PARD3B: variants seen among roughly 807,000 people sequenced by gnomAD.
PARD3B encodes par-3 family cell polarity regulator beta.
In PARD3B, 103 loss-of-function variants were observed where a neutral mutation model predicts 130.2. The observed-to-expected ratio is 0.79, with a 90% CI of 0.67 to 0.93. The LOEUF is 0.93. Ranked by LOEUF, PARD3B falls within the 40% of genes least tolerant of loss-of-function variation. The pLI is 0.00. For missense variants in PARD3B, 1,609 were observed against 1,499.2 expected (o/e 1.07, Z -1.21); for synonymous variants, 583 against 553.2 (o/e 1.05, Z -0.76).
chr2:205,185,285 T>C (rs1305919052), intron 13 of PARD3B, among the ~76,000 whole-genome samples: 1 of 152,162 alleles, frequency 6.6e-6, no homozygotes, highest in Non-Finnish European at 1.5e-5. Flanking sequence ...TGTGTGTGTT[T>C]ATCTCCACTA....
intron 15 of PARD3B, among the ~76,000 whole-genome samples, chr2:205,235,463 C>G (rs548025217): frequency 2.0e-4 from 31 of 151,978 alleles, no homozygotes; most frequent in Non-Finnish European, 4.0e-4. Flanking sequence ...GTCTCCACCC[C>G]CCTTGTCTAC....
chr2:205,598,396 T>C (rs1307421926), intron 22 of PARD3B, among the ~76,000 whole-genome samples: 1 of 148,370 alleles, frequency 6.7e-6, no homozygotes, highest in Non-Finnish European at 1.5e-5. Flanking sequence ...TGATAAAAGG[T>C]TCAATACAAC....
chr2:205,138,347 C>A (rs576038459), intron 10 of PARD3B, among the ~76,000 whole-genome samples: 2 of 152,082 alleles, frequency 1.3e-5, no homozygotes, highest in Non-Finnish European at 2.9e-5. Context: ...TTGACATATA[C>A]GTGCATTTCT....
intron 2 of PARD3B, among the ~76,000 whole-genome samples, chr2:204,864,819 T>C (rs1033634170): frequency 1.3e-5 from 2 of 152,154 alleles, no homozygotes; most frequent in Non-Finnish European, 2.9e-5. Flanking sequence ...AAGTGAGTGC[T>C]TTGATAGATT....
chr2:205,113,544 A>C lies in PARD3B; in HGVS notation c.647A>C (p.His216Pro). ...ISGEGGPLGI[H>P]VVPFFSSLSG... The stretch of plus-strand genomic sequence containing the variant: ...GGGGAAGGAGGCCCATTGGGAATAC[A>C]TGTAGTGCCCTTCTTTTCATCTCTG... The change falls in exon 6 of 23, where the codon CAT (histidine) becomes CCT (proline). Residue 216 changes from histidine to proline, a missense_variant. His to Pro is a moderately conservative substitution (Grantham distance 77). Transcript: ENST00000406610. The C allele has an allele frequency of 6.2e-7, 1 of 1,613,314 alleles. No homozygotes were observed. Among genetic ancestry groups the C allele is most frequent in the Non-Finnish European group, 8.5e-7 (1 of 1,179,474 alleles).
At chr2:204,742,974 G>C (rs1031283687) in intron 2 of PARD3B, among the ~76,000 whole-genome samples, 3 of 152,052 alleles carry the variant, frequency 2.0e-5, no homozygotes, top group Admixed American at 6.6e-5. Flanking sequence ...TTTGTCTTTT[G>C]GAAGTCCACA....
At chr2:204,766,780 GA>G (rs1191270319) in intron 2 of PARD3B, among the ~76,000 whole-genome samples, 5 of 146,226 alleles carry the variant, frequency 3.4e-5, no homozygotes, top group African/African-American at 1.2e-4. Flanking sequence ...TAAAGCTTAT[GA>G]AGTTGAAATA....
In PARD3B at chr2:205,400,899, GACTT is replaced by G. The variant is rs2106012951; in HGVS notation, c.2631-108_2631-105del. On this transcript the variant is annotated intron_variant, in intron 18 of 22. Transcript: ENST00000406610. ...GTTCCATTTTATGCAAAATGATCTT[GACTT>G]ACTTAGAATAAAGAAGTATGACTTA... 3 of 694,716 alleles carry G rather than the reference GACTT, an allele frequency of 4.3e-6. No individual in the cohort carries two copies. The South Asian group carries it at 6.3e-5, about 15-fold the overall frequency. 43.0% of individuals were successfully genotyped at this position (694,716 alleles called of 1,614,324 possible). A position where few individuals can be genotyped will look rare whatever the true frequency, so the allele number is the denominator to read the frequency against.
intron 3 of PARD3B, among the ~76,000 whole-genome samples, chr2:205,030,010 A>G (rs1000327767): frequency 6.6e-6 from 1 of 152,158 alleles, no homozygotes; most frequent in African/African-American, 2.4e-5. Context: ...TTGATTTTGC[A>G]TTGCAAGCCA....
chr2:204,835,178 T>C (rs2043982767), intron 2 of PARD3B, among the ~76,000 whole-genome samples: 2 of 152,350 alleles, frequency 1.3e-5, no homozygotes, highest in African/African-American at 2.4e-5. Context: ...TAATGCACTT[T>C]GTGCAGATAA....
chr2:204,907,308 A>G lies in PARD3B; in HGVS notation c.223-57844A>G, dbSNP rs2047071815. Among the ~76,000 whole-genome samples, 1 of 152,166 alleles carries G rather than the reference A, an allele frequency of 6.6e-6. No individual in the cohort carries two copies. The highest frequency in any genetic ancestry group is 1.5e-5 in the Non-Finnish European group (1 of 68,024). On this transcript the variant is annotated intron_variant, in intron 2 of 22. Transcript: ENST00000406610. This position sits in a 1 kb window ranked among gnomAD's most constrained non-coding sequence, Gnocchi z 5.7. ...AAAGTACCTGTGGAGGACAATGACT[A>G]GGGCTGTGACAGATGATGTGAATCC...
intron 2 of PARD3B, among the ~76,000 whole-genome samples, chr2:204,872,281 T>G (rs997484379): frequency 2.0e-5 from 3 of 152,004 alleles, no homozygotes; most frequent in Non-Finnish European, 4.4e-5. Flanking sequence ...TAGTTATATA[T>G]ATAACATACA....
rs565705712 is a variant in PARD3B at position 205,481,477 on chromosome 2, T to A, written c.3045-18419T>A. Among the ~76,000 whole-genome samples, 27 of 152,262 alleles carry A rather than the reference T, an allele frequency of 1.8e-4. No individual in the cohort carries two copies. In the South Asian group the frequency reaches 5.6e-3, roughly 32 times the overall value. On this transcript the variant is annotated intron_variant, in intron 20 of 22. Transcript: ENST00000406610. ...TCAGGAGCGGAGAGACTAGCTGCCA[T>A]GCTGCTATGAACCGGGCTCGTGGAA...
At chr2:205,031,691 T>C (rs1213929524) in intron 3 of PARD3B, among the ~76,000 whole-genome samples, 1 of 152,152 alleles carries the variant, frequency 6.6e-6, no homozygotes, top group Admixed American at 6.6e-5. Flanking sequence ...ATAAATAGCG[T>C]AATGCAGTAC....
At chr2:204,738,491 T>C (rs2039854819) in intron 2 of PARD3B, among the ~76,000 whole-genome samples, 1 of 152,208 alleles carries the variant, frequency 6.6e-6, no homozygotes, top group Non-Finnish European at 1.5e-5. Flanking sequence ...TTTTGCGTAA[T>C]AAATTACCAC....
chr2:204,872,351 G>T (rs1475662314), intron 2 of PARD3B, among the ~76,000 whole-genome samples: 2 of 152,014 alleles, frequency 1.3e-5, no homozygotes, highest in African/African-American at 2.4e-5. Context: ...CACAAGGAAG[G>T]ATTAAAAGTT....
intron 2 of PARD3B, among the ~76,000 whole-genome samples, chr2:204,737,097 A>G (rs2039791457): frequency 6.6e-6 from 1 of 152,106 alleles, no homozygotes; most frequent in African/African-American, 2.4e-5. Context: ...CAGCTATGGA[A>G]TTACAGCTGG....
rs569319761 is a variant in PARD3B, at chr2:205,311,547, T to G, written c.2630+9846T>G. Among the ~76,000 whole-genome samples the G allele has an allele frequency of 2.6e-5, 4 of 152,322 alleles. No individual in the cohort carries two copies. The East Asian group carries it at 7.7e-4, about 29-fold the overall frequency. On this transcript the variant is annotated intron_variant, in intron 18 of 22. Transcript: ENST00000406610. ...ACAGCCAAGACCGTCAAATATTACCTTTGTCTCAAGCAAGATACGTTTGGA... is the reference window on the plus strand; with the variant it reads ...ACAGCCAAGACCGTCAAATATTACCGTTGTCTCAAGCAAGATACGTTTGGA...
Position 205,352,088 on chromosome 2 carries a change from A to G in PARD3B, c.2631-48925A>G, listed in dbSNP as rs1001952828. Reference sequence around the variant, plus strand: ...AAATTCTACCCAGTTTACTCTCATTACACCACAAGAGCCTTGGATTTTCTA... The same window carrying G: ...AAATTCTACCCAGTTTACTCTCATTGCACCACAAGAGCCTTGGATTTTCTA... On this transcript the variant is annotated intron_variant, in intron 18 of 22. Transcript: ENST00000406610. This position sits in a 1 kb window ranked among gnomAD's most constrained non-coding sequence, Gnocchi z 5.2. Among the ~76,000 whole-genome samples, 1 of 152,200 alleles carries G rather than the reference A, an allele frequency of 6.6e-6. No individual in the cohort carries two copies. The highest frequency in any genetic ancestry group is 2.4e-5 in the African/African-American group (1 of 41,448).
Sources: gnomAD v4.1 joint callset for allele counts (sites outside exome capture counted in the v4.1 genomes callset) on GRCh38, gnomAD v4.1.1 for gene constraint, Gnocchi (gnomAD v3.1) non-coding constraint, MANE v1.5 for transcripts, NCBI Gene and HGNC (gene_info 2026-07-23, HGNC 2026-07-21) for gene names.